The following SAMD5 variants were observed in gnomAD, a reference collection of about 807,000 sequenced individuals.
The protein encoded by SAMD5 is sterile alpha motif domain-containing protein 5.
Under a neutral mutation model 11.3 loss-of-function variants are expected in SAMD5, and 13 were observed. The ratio of observed to expected loss-of-function variants is 1.15; its 90% CI spans 0.75 to 1.83. The LOEUF is 1.83. Ranked by LOEUF, SAMD5 falls within the 40% of genes most tolerant of loss-of-function variation. SAMD5 has a pLI of 0.00. For synonymous variants in SAMD5, 129 were observed against 111.3 expected (o/e 1.16, Z -1.00); for missense variants, 255 against 239.1 (o/e 1.07, Z -0.44).
At chr6:147,853,782 T>G in the SAMD5 span, among the ~76,000 whole-genome samples, 1 of 152,206 alleles carries the variant, frequency 6.6e-6, no homozygotes, top group Non-Finnish European at 1.5e-5. Context: ...TTTATCATCG[T>G]TAATGAATTT....
At chr6:147,607,971 G>A (rs1003329215) in intron 1 of SAMD5, among the ~76,000 whole-genome samples, 2 of 152,094 alleles carry the variant, frequency 1.3e-5, no homozygotes, top group African/African-American at 2.4e-5. Flanking sequence ...CCAAACCTGG[G>A]CAAAAGATTT....
At chr6:147,762,498 C>G in the SAMD5 span, among the ~76,000 whole-genome samples, 1 of 110,624 alleles carries the variant, frequency 9.0e-6, no homozygotes, top group South Asian at 2.9e-4. Context: ...CGTGCCTGGC[C>G]CAAAACCAAT....
At chr6:147,767,063 A>G in the SAMD5 span, among the ~76,000 whole-genome samples, 1 of 152,236 alleles carries the variant, frequency 6.6e-6, no homozygotes, top group East Asian at 1.9e-4. Flanking sequence ...TCATTGTTAT[A>G]GTGATATAAA....
At chr6:147,790,770 T>TCTC in the SAMD5 span, among the ~76,000 whole-genome samples, 2 of 88,210 alleles carry the variant, frequency 2.3e-5, no homozygotes, top group African/African-American at 3.9e-5. Context: ...CTCTCTCTCT[T>TCTC]TCTCTCTCTC....
intron 1 of SAMD5, among the ~76,000 whole-genome samples, chr6:147,727,107 A>G (rs1791639898): frequency 6.6e-6 from 1 of 152,182 alleles, no homozygotes; most frequent in South Asian, 2.1e-4. Flanking sequence ...TGTGTCCCCC[A>G]TAACCTGTCC....
At chr6:147,555,820 TG>T in intron 1 of SAMD5, among the ~76,000 whole-genome samples, 1 of 152,350 alleles carries the variant, frequency 6.6e-6, no homozygotes, top group East Asian at 1.9e-4. Flanking sequence ...AGTTTTGCCA[TG>T]GTATTAAAAT....
chr6:147,551,621 T>C (rs1788772684), intron 1 of SAMD5, among the ~76,000 whole-genome samples: 1 of 151,962 alleles, frequency 6.6e-6, no homozygotes, highest in South Asian at 2.1e-4. Flanking sequence ...ACTTCCATGA[T>C]GTGTGAATAT....
At chr6:147,698,772 C>G (rs1366465559) in intron 1 of SAMD5, among the ~76,000 whole-genome samples, 1 of 152,138 alleles carries the variant, frequency 6.6e-6, no homozygotes. Context: ...AACAAATAAA[C>G]AAGACTGTTG....
At chr6:147,736,316 GATA>G (rs1391106684) in intron 1 of SAMD5, among the ~76,000 whole-genome samples, 1 of 152,138 alleles carries the variant, frequency 6.6e-6, no homozygotes, top group Non-Finnish European at 1.5e-5. Context: ...GTAGTATAAT[GATA>G]ATAAGTTCTC....
the SAMD5 span, among the ~76,000 whole-genome samples, chr6:147,920,024 C>T: frequency 6.6e-6 from 1 of 152,282 alleles, no homozygotes; most frequent in African/African-American, 2.4e-5. Flanking sequence ...CTTTGACTGA[C>T]CTTAAAAATC....
At chr6:147,644,484 T>C (rs1790367434) in intron 1 of SAMD5, among the ~76,000 whole-genome samples, 1 of 152,230 alleles carries the variant, frequency 6.6e-6, no homozygotes, top group East Asian at 1.9e-4. Context: ...CTAATGTGCT[T>C]TTTAATTTGT....
At chr6:147,768,562 T>C in the SAMD5 span, among the ~76,000 whole-genome samples, 2 of 151,978 alleles carry the variant, frequency 1.3e-5, 1 homozygote, top group South Asian at 4.2e-4. Flanking sequence ...ATAGTGACAA[T>C]AATAACAATA....
chr6:147,834,639 G>A, the SAMD5 span, among the ~76,000 whole-genome samples: 1 of 152,152 alleles, frequency 6.6e-6, no homozygotes, highest in Non-Finnish European at 1.5e-5. Context: ...TCTTGCCCTA[G>A]TCCGGGCTTA....
In SAMD5 at chr6:147,646,353, C is replaced by T. The variant is rs543704462; in HGVS notation, c.163-90964C>T. Among the ~76,000 whole-genome samples the T allele has an allele frequency of 7.9e-5, 12 of 152,264 alleles. No homozygotes were observed. The South Asian group carries it at 8.3e-4, about 11-fold the overall frequency. On this transcript the variant is annotated intron_variant, in intron 1 of 1. Transcript: ENST00000566741. The stretch of plus-strand genomic sequence containing the variant: ...AAAAATAAAATGAGAGATACATTTG[C>T]ATCAATTGTTTATGCTTCATGGATT...
chr6:147,843,333 G>C, the SAMD5 span, among the ~76,000 whole-genome samples: 1 of 152,142 alleles, frequency 6.6e-6, no homozygotes, highest in Non-Finnish European at 1.5e-5. Flanking sequence ...ATCGATTAAA[G>C]AAACTGAAGA....
At chr6:147,591,359 C>T (rs1005351264) in intron 1 of SAMD5, among the ~76,000 whole-genome samples, 22 of 152,176 alleles carry the variant, frequency 1.4e-4, no homozygotes, top group South Asian at 2.1e-4. Context: ...GTATCCCTCA[C>T]GTGCCCAGCA....
the SAMD5 span, among the ~76,000 whole-genome samples, chr6:147,829,339 T>C: frequency 6.6e-6 from 1 of 152,190 alleles, no homozygotes; most frequent in Non-Finnish European, 1.5e-5. Flanking sequence ...GCCCCCTGGA[T>C]AGAGGGTTGT....
intron 1 of SAMD5, among the ~76,000 whole-genome samples, chr6:147,723,374 C>A (rs1191050802): frequency 6.6e-6 from 1 of 152,172 alleles, no homozygotes; most frequent in Non-Finnish European, 1.5e-5. Context: ...TTTTATTCTT[C>A]CCCCAAAATC....
rs1022881093 is a variant in SAMD5, at chr6:147,646,046, C to G, written c.163-91271C>G. On this transcript the variant is annotated intron_variant, in intron 1 of 1. Transcript: ENST00000566741. ...TCTATGTATCTATCTATCTATCTAT[C>G]TATCTATCTATCTATCTATCTATCT... Among the ~76,000 whole-genome samples, 7 of 128,066 alleles carry G rather than the reference C, an allele frequency of 5.5e-5. No individual in the cohort carries two copies. The South Asian group carries it at 6.7e-4, about 12-fold the overall frequency. The allele number at this position is 128,066 out of a possible 152,430, so 84.0% of individuals were successfully genotyped here.
Sources: gnomAD v4.1 joint callset for allele counts (sites outside exome capture counted in the v4.1 genomes callset) on GRCh38, gnomAD v4.1.1 for gene constraint, MANE v1.5 for transcripts, NCBI Gene and HGNC (gene_info 2026-07-23, HGNC 2026-07-21) for gene names.